Variants in CRB1 observed in about 807,000 individuals in gnomAD.
The protein encoded by CRB1 is crumbs cell polarity complex component 1, also known as protein crumbs homolog 1.
Under a neutral mutation model 120.0 loss-of-function variants are expected in CRB1, and 83 were observed. That is an observed-to-expected ratio of 0.69 (90% CI 0.58 to 0.83). The LOEUF is 0.83. CRB1 is among the 40% of genes least tolerant of loss of function. The pLI is 0.00. For synonymous variants in CRB1, 625 were observed against 612.5 expected, an observed-to-expected ratio of 1.02 and a Z score of -0.30; for missense variants, 1,699 against 1,687.6, an observed-to-expected ratio of 1.01 and a Z score of -0.12.
chr1:197,240,082 T>C, the CRB1 span, among the ~76,000 whole-genome samples: 1 of 152,006 alleles, frequency 6.6e-6, no homozygotes, highest in Non-Finnish European at 1.5e-5. Flanking sequence ...TAATTTTTGC[T>C]TCAGTGATTA....
the CRB1 span, among the ~76,000 whole-genome samples, chr1:197,218,589 A>T: frequency 1.1e-4 from 17 of 152,196 alleles, no homozygotes; most frequent in African/African-American, 3.9e-4. Context: ...ATGAAGTTGG[A>T]TCCATAACCC....
intron 1 of CRB1, among the ~76,000 whole-genome samples, chr1:197,289,523 C>T (rs964401019): frequency 6.6e-6 from 1 of 151,626 alleles, no homozygotes; most frequent in African/African-American, 2.4e-5. Flanking sequence ...ACTTTTTGAG[C>T]TTCTTGAATG....
At chr1:197,377,507 A>C (rs1451652965) in intron 5 of CRB1, among the ~76,000 whole-genome samples, 1 of 152,220 alleles carries the variant, frequency 6.6e-6, no homozygotes, top group Non-Finnish European at 1.5e-5. Flanking sequence ...AGATTCTTTC[A>C]TTCTCCTAAT....
chr1:197,288,740 A>T (rs1437470854), intron 1 of CRB1, among the ~76,000 whole-genome samples: 1 of 151,864 alleles, frequency 6.6e-6, no homozygotes, highest in Non-Finnish European at 1.5e-5. Flanking sequence ...AGGGAAGGTT[A>T]GTGATTTGAA....
chr1:197,264,217 A>T (rs529599649), upstream of CRB1, among the ~76,000 whole-genome samples: 3 of 152,350 alleles, frequency 2.0e-5, no homozygotes, highest in African/African-American at 7.2e-5. Flanking sequence ...ATAAGTGAGA[A>T]CATGCGGTAT....
At chr1:197,387,035 C>T (rs1662251773) in intron 5 of CRB1, among the ~76,000 whole-genome samples, 1 of 152,124 alleles carries the variant, frequency 6.6e-6, no homozygotes, top group African/African-American at 2.4e-5. Flanking sequence ...CGCTTTCTCT[C>T]ACTCAACAGT....
chr1:197,458,955 G>A (rs940086047), intron 11 of CRB1, among the ~76,000 whole-genome samples: 3 of 151,984 alleles, frequency 2.0e-5, no homozygotes, highest in African/African-American at 7.3e-5. Context: ...TGGAGGATAC[G>A]GAAATTAAAG....
At chr1:197,232,514 G>A in the CRB1 span, among the ~76,000 whole-genome samples, 8 of 152,260 alleles carry the variant, frequency 5.3e-5, no homozygotes, top group African/African-American at 1.7e-4. Flanking sequence ...AGAACATGGT[G>A]TCCTTAGGGG....
intron 5 of CRB1, among the ~76,000 whole-genome samples, chr1:197,399,553 T>G (rs1172457869): frequency 6.6e-6 from 1 of 152,178 alleles, no homozygotes; most frequent in Non-Finnish European, 1.5e-5. Flanking sequence ...CCTCATCAAG[T>G]TTTTGTCATG....
chr1:197,416,305 A>C (rs1663996922), intron 5 of CRB1, among the ~76,000 whole-genome samples: 1 of 152,316 alleles, frequency 6.6e-6, no homozygotes, highest in African/African-American at 2.4e-5. Context: ...AAGATGTTTC[A>C]TTATCTATCA....
At chr1:197,467,541 T>A (rs985564650) in intron 11 of CRB1, among the ~76,000 whole-genome samples, 2 of 152,202 alleles carry the variant, frequency 1.3e-5, no homozygotes, top group African/African-American at 2.4e-5. Flanking sequence ...CAGGATACAA[T>A]CAATTGCATT....
chr1:197,455,136 A>T (rs1310236527), intron 11 of CRB1, among the ~76,000 whole-genome samples: 2 of 152,148 alleles, frequency 1.3e-5, no homozygotes, highest in Admixed American at 1.3e-4. Context: ...GCCTAAACTG[A>T]TACTGTTCTG....
At chr1:197,231,386 T>A in the CRB1 span, among the ~76,000 whole-genome samples, 2 of 152,114 alleles carry the variant, frequency 1.3e-5, no homozygotes, top group East Asian at 3.9e-4. Context: ...ACTCCTCTTA[T>A]AAGGTATTCC....
intron 11 of CRB1, among the ~76,000 whole-genome samples, chr1:197,462,906 C>A (rs1207660748): frequency 1.3e-5 from 2 of 148,992 alleles, no homozygotes; most frequent in East Asian, 2.0e-4. Flanking sequence ...TTTTTCTTCA[C>A]CATTAATATT....
intron 2 of CRB1, among the ~76,000 whole-genome samples, chr1:197,336,690 C>T (rs2821128): frequency 0.034 from 5,241 of 152,196 alleles, 289 homozygotes; most frequent in African/African-American, 0.12. Context: ...GGGCATTGTG[C>T]GGACTTCGGA....
At chr1:197,293,281 G>A (rs1156487549) in intron 1 of CRB1, among the ~76,000 whole-genome samples, 7 of 152,044 alleles carry the variant, frequency 4.6e-5, no homozygotes, top group African/African-American at 1.7e-4. Flanking sequence ...GACAAACAGA[G>A]AGCCAAATCA....
intron 4 of CRB1, among the ~76,000 whole-genome samples, chr1:197,354,525 C>T (rs933670406): frequency 6.6e-6 from 1 of 151,934 alleles, no homozygotes; most frequent in African/African-American, 2.4e-5. Context: ...AGAGTGAAGC[C>T]GCAGACCTTT....
At chr1:197,202,222 G>A in the CRB1 span, among the ~76,000 whole-genome samples, 2 of 152,096 alleles carry the variant, frequency 1.3e-5, no homozygotes, top group Non-Finnish European at 2.9e-5. Context: ...CTGCAGAGTT[G>A]GACTCCCCAC....
At chr1:197,405,421 CG>C (rs1663306985) in intron 5 of CRB1, among the ~76,000 whole-genome samples, 1 of 151,214 alleles carries the variant, frequency 6.6e-6, no homozygotes, top group Non-Finnish European at 1.5e-5. Context: ...GATCTCGGCT[CG>C]CTACAACCTC....
Sources: allele counts gnomAD v4.1 joint callset (sites outside exome capture counted in the v4.1 genomes callset), GRCh38; gene constraint gnomAD v4.1.1; transcripts MANE v1.5; gene names NCBI Gene and HGNC (gene_info 2026-07-23, HGNC 2026-07-21).